The following ASIC2 variants were observed in gnomAD, a reference collection of about 807,000 sequenced individuals.
ASIC2 encodes the protein acid-sensing ion channel 2.
ASIC2 carries 25 observed loss-of-function variants against 57.3 expected under a neutral mutation model. The ratio of observed to expected loss-of-function variants is 0.44; its 90% CI spans 0.32 to 0.61. The LOEUF is 0.61. ASIC2 is among the 20% of genes least tolerant of loss of function. The probability of loss-of-function intolerance (pLI) is 0.06; values close to 1 mark genes in which losing one functional copy is unlikely to be tolerated. For synonymous variants in ASIC2, 319 were observed against 307.5 expected (o/e 1.04, Z -0.39); for missense variants, 641 against 738.1 (o/e 0.87, Z 1.52).
intron 1 of ASIC2, among the ~76,000 whole-genome samples, chr17:33,768,272 C>A (rs1910994984): frequency 6.6e-6 from 1 of 152,116 alleles, no homozygotes; most frequent in Non-Finnish European, 1.5e-5. Context: ...TCCCAAAGTG[C>A]TGGGATCACA....
At chr17:33,242,370 A>G (rs904744084) in intron 1 of ASIC2, among the ~76,000 whole-genome samples, 3 of 152,088 alleles carry the variant, frequency 2.0e-5, no homozygotes, top group African/African-American at 7.2e-5. Flanking sequence ...GTCTTCCATG[A>G]TCTTTCAGAA....
At chr17:33,175,746 C>G (rs558188526) in intron 1 of ASIC2, among the ~76,000 whole-genome samples, 138 of 152,306 alleles carry the variant, frequency 9.1e-4, no homozygotes, top group African/African-American at 2.4e-3. Flanking sequence ...GCTTCTCCCC[C>G]CTCCACTCAG....
chr17:33,969,850 G>A (rs1905175728), intron 1 of ASIC2, among the ~76,000 whole-genome samples: 1 of 152,096 alleles, frequency 6.6e-6, no homozygotes, highest in Non-Finnish European at 1.5e-5. Flanking sequence ...TGAGTGCCAA[G>A]GGGATACAGG....
intron 3 of ASIC2, among the ~76,000 whole-genome samples, chr17:33,072,916 T>A (rs2092074933): frequency 6.6e-6 from 1 of 152,234 alleles, no homozygotes; most frequent in South Asian, 2.1e-4. Context: ...GGGGAAGTGA[T>A]GCAGCAATCA....
At chr17:34,000,051 TTG>T (rs1019784996) in intron 1 of ASIC2, among the ~76,000 whole-genome samples, 1 of 140,046 alleles carries the variant, frequency 7.1e-6, no homozygotes, top group African/African-American at 3.2e-5. Context: ...AGTGTTATTG[TTG>T]TTTTTTTTTT....
chr17:33,889,761 G>A (rs1225357391), intron 1 of ASIC2, among the ~76,000 whole-genome samples: 2 of 152,194 alleles, frequency 1.3e-5, no homozygotes, highest in African/African-American at 4.8e-5. Context: ...AAAGAGGCGG[G>A]AGAGTTAGCT....
chr17:33,962,247 T>C (rs1446668633), intron 1 of ASIC2, among the ~76,000 whole-genome samples: 3 of 152,110 alleles, frequency 2.0e-5, no homozygotes, highest in Non-Finnish European at 4.4e-5. Context: ...GTAGTAAACA[T>C]AGGGTTCTTT....
chr17:33,484,325 A>T (rs1913508977), intron 1 of ASIC2, among the ~76,000 whole-genome samples: 1 of 152,196 alleles, frequency 6.6e-6, no homozygotes, highest in Non-Finnish European at 1.5e-5. Context: ...CAAAAGCCAC[A>T]CTCTGGGAGA....
chr17:33,645,335 C>T (rs904184526), intron 1 of ASIC2, among the ~76,000 whole-genome samples: 1 of 152,186 alleles, frequency 6.6e-6, no homozygotes, highest in African/African-American at 2.4e-5. Flanking sequence ...TTTCCCCATT[C>T]CTTCTGTGAA....
At chr17:33,658,658 C>T (rs542441559) in intron 1 of ASIC2, among the ~76,000 whole-genome samples, 81 of 152,246 alleles carry the variant, frequency 5.3e-4, no homozygotes, top group African/African-American at 1.9e-3. Context: ...CCTCAAGTGC[C>T]TTTATAAGTG....
At chr17:33,929,455 G>A (rs1243704579) in intron 1 of ASIC2, among the ~76,000 whole-genome samples, 1 of 152,202 alleles carries the variant, frequency 6.6e-6, no homozygotes, top group African/African-American at 2.4e-5. Context: ...CGTTCACCAA[G>A]TAGCCCTGGA....
intron 1 of ASIC2, among the ~76,000 whole-genome samples, chr17:33,602,708 C>T (rs1396687125): frequency 3.3e-5 from 5 of 152,248 alleles, no homozygotes; most frequent in South Asian, 4.1e-4. Flanking sequence ...TCCTTGCTCA[C>T]TGGCTCCAGC....
At chr17:33,382,305 G>A (rs1032715603) in intron 1 of ASIC2, among the ~76,000 whole-genome samples, 4 of 151,926 alleles carry the variant, frequency 2.6e-5, no homozygotes, top group Non-Finnish European at 2.9e-5. Context: ...CCTTTTTTTC[G>A]GTTGAAAAGA....
rs761343086 is a variant in ASIC2, at chr17:33,016,073, G to A, written c.1522-34C>T. On this transcript the variant is annotated intron_variant, in intron 8 of 9. Coordinates refer to ENST00000225823, the MANE Select transcript of ASIC2 (RefSeq NM_183377.2). Reference sequence around the variant, plus strand: ...AAAGCAGGAAGGGGTTGGTCAGGCCGGGAAGAGGGTGCAGAGGCAGAAGGG... The same window carrying A: ...AAAGCAGGAAGGGGTTGGTCAGGCCAGGAAGAGGGTGCAGAGGCAGAAGGG... The A allele has an allele frequency of 1.1e-5, 17 of 1,609,926 alleles. No individual in the cohort carries two copies. The Admixed American group carries it at 1.2e-4, about 11-fold the overall frequency.
At chr17:34,066,715 C>T (rs1301097549) in intron 1 of ASIC2, among the ~76,000 whole-genome samples, 3 of 152,136 alleles carry the variant, frequency 2.0e-5, no homozygotes, top group East Asian at 1.9e-4. Flanking sequence ...GGGACCTCTC[C>T]GCTCATTGTA....
intron 3 of ASIC2, among the ~76,000 whole-genome samples, chr17:33,029,460 C>T (rs1343296935): frequency 1.3e-5 from 2 of 152,196 alleles, no homozygotes; most frequent in African/African-American, 4.8e-5. Context: ...ACCAGGAGTT[C>T]TTTCCTTTTA....
chr17:34,031,332 G>A (rs569634636), intron 1 of ASIC2, among the ~76,000 whole-genome samples: 8 of 152,190 alleles, frequency 5.3e-5, no homozygotes, highest in Admixed American at 3.3e-4. Context: ...TAACAAACAG[G>A]AAGGACATCC....
At chr17:33,793,862 C>G (rs946287709) in intron 1 of ASIC2, 2 of 152,190 alleles carry the variant, frequency 1.3e-5, no homozygotes, top group African/African-American at 4.8e-5. Flanking sequence ...AGGGTTCAGT[C>G]TCCGGAATGT....
chr17:33,210,990 G>A (rs1907247046), intron 1 of ASIC2, among the ~76,000 whole-genome samples: 1 of 152,172 alleles, frequency 6.6e-6, no homozygotes, highest in Non-Finnish European at 1.5e-5. Flanking sequence ...TCTATAGCAA[G>A]GCAGGATGAA....
Sources: allele counts gnomAD v4.1 joint callset (sites outside exome capture counted in the v4.1 genomes callset), GRCh38; gene constraint gnomAD v4.1.1; transcripts MANE v1.5; gene names NCBI Gene and HGNC (gene_info 2026-07-23, HGNC 2026-07-21).